The following PBX3 variants were observed in gnomAD, a reference collection of about 807,000 sequenced individuals.
PBX3 encodes the protein PBX homeobox 3, also known as pre-B-cell leukemia transcription factor 3.
Under a neutral mutation model 48.5 loss-of-function variants are expected in PBX3, and 14 were observed. The ratio of observed to expected loss-of-function variants is 0.29; its 90% CI spans 0.19 to 0.45. PBX3 has a LOEUF of 0.45. PBX3 is among the 20% of genes least tolerant of loss of function. The probability of loss-of-function intolerance (pLI) is 1.00; values close to 1 mark genes in which losing one functional copy is unlikely to be tolerated. For synonymous variants in PBX3, 210 were observed against 200.3 expected (o/e 1.05, Z -0.41); for missense variants, 386 against 546.7 (o/e 0.71, Z 2.93).
intron 6 of PBX3, 87 bp downstream of exon 6, chr9:125,960,936 A>G: frequency 1.7e-6 from 1 of 598,798 alleles, no homozygotes; most frequent in Admixed American, 3.8e-5. Context: ...CAAGAGCCAT[A>G]CTGAGGACAG....
At position 125,943,552 on chromosome 9, in the gene PBX3, A is replaced by G. The variant is rs931036193; in HGVS notation, c.843+7945A>G. ...TTCTTCTTTCCAATTGAGTATTCTT[A>G]TCAGTTTTTCTCATGCTAGTCTCAG... On this transcript the variant is annotated intron_variant, in intron 5 of 8. Coordinates refer to ENST00000373489, the MANE Select transcript of PBX3 (RefSeq NM_006195.6). Among the ~76,000 whole-genome samples the G allele has an allele frequency of 5.3e-5, 8 of 151,582 alleles. No homozygotes were observed. In the East Asian group the frequency reaches 1.2e-3, roughly 22 times the overall value.
rs754127037 is a variant in PBX3 at position 125,960,903 on chromosome 9, G to A, written c.1009+54G>A. On this transcript the variant is annotated intron_variant, in intron 6 of 8. Coordinates refer to ENST00000373489, the MANE Select transcript of PBX3 (RefSeq NM_006195.6). ...GGCCCAGGCAGCCTTATGCCACAAT[G>A]CCCTGTCCCACAGGCCAGGAAACAA... 3.9e-4 allele frequency: 616 copies of A among 1,562,344 alleles called. 1 individual carries two copies. Among genetic ancestry groups the A allele is most frequent in the Non-Finnish European group, 5.1e-4 (577 of 1,142,236 alleles).
At chr9:125,823,947 G>A (rs1031307083) in intron 2 of PBX3, among the ~76,000 whole-genome samples, 1 of 151,842 alleles carries the variant, frequency 6.6e-6, no homozygotes, top group Non-Finnish European at 1.5e-5. Context: ...ATGGTGGCCC[G>A]CACCTGTAGT....
chr9:125,818,659 A>T (rs1683409765), intron 2 of PBX3, among the ~76,000 whole-genome samples: 1 of 150,434 alleles, frequency 6.6e-6, no homozygotes, highest in South Asian at 2.1e-4. Context: ...TGATGAGATT[A>T]TTTTTTTAAA....
At chr9:125,748,153 C>A in intron 1 of PBX3, 1 of 795,978 alleles carries the variant, frequency 1.3e-6, no homozygotes, top group Non-Finnish European at 1.5e-6. Flanking sequence ...GCCTTGCAAA[C>A]TTTGCCGAGC....
rs1836607148 is a variant in PBX3 at position 125,759,479 on chromosome 9, C to T, written c.274+10856C>T. On this transcript the variant is annotated intron_variant, in intron 2 of 8. Coordinates refer to ENST00000373489, the MANE Select transcript of PBX3 (RefSeq NM_006195.6). The surrounding 1 kb of genome is among the most constrained non-coding windows in gnomAD (Gnocchi z 4.2). ...GAGGCATTTATCATATCATCCCCTACTCCTCATGCAAGCAAAAAAGGAGAA... is the reference window on the plus strand; with the variant it reads ...GAGGCATTTATCATATCATCCCCTATTCCTCATGCAAGCAAAAAAGGAGAA... 6.6e-6 allele frequency among the ~76,000 whole-genome samples: 1 copy of T among 152,190 alleles called. No individual in the cohort carries two copies. The highest frequency in any genetic ancestry group is 2.1e-4 in the South Asian group (1 of 4,830).
chr9:125,859,105 G>C (rs535060849), intron 2 of PBX3, among the ~76,000 whole-genome samples: 1 of 152,296 alleles, frequency 6.6e-6, no homozygotes, highest in Admixed American at 6.5e-5. Context: ...GAGATTTCTA[G>C]AGTAGGAGAA....
intron 2 of PBX3, among the ~76,000 whole-genome samples, chr9:125,792,651 A>G (rs1837645220): frequency 6.6e-6 from 1 of 151,824 alleles, no homozygotes; most frequent in Admixed American, 6.6e-5. Flanking sequence ...AAAAAATTGG[A>G]TGTGGATAAA....
rs1839893307 is a variant in PBX3, at chr9:125,862,830, G to A, written c.275-52856G>A. On this transcript the variant is annotated intron_variant, in intron 2 of 8. Transcript: ENST00000373489. The stretch of plus-strand genomic sequence containing the variant: ...AGATTTGAATGTGAATTACTTTTAG[G>A]ACTGTATTAAATTTATTTTGTATGT... Among the ~76,000 whole-genome samples the A allele has an allele frequency of 3.3e-5, 5 of 152,220 alleles. 1 individual carries two copies. The South Asian group carries it at 1.0e-3, about 32-fold the overall frequency.
intron 2 of PBX3, among the ~76,000 whole-genome samples, chr9:125,754,327 C>T (rs568860031): frequency 3.9e-5 from 6 of 152,152 alleles, no homozygotes; most frequent in Non-Finnish European, 5.9e-5. Context: ...CCCTCAAGCC[C>T]GTGTTGACCT....
At chr9:125,809,428 ATTT>A (rs58140229) in intron 2 of PBX3, among the ~76,000 whole-genome samples, 2 of 136,910 alleles carry the variant, frequency 1.5e-5, no homozygotes, top group Admixed American at 7.3e-5. Context: ...CTCAATGCTG[ATTT>A]TTTTTTTTTT....
chr9:125,933,889 C>G (rs978419814), intron 4 of PBX3, among the ~76,000 whole-genome samples: 1 of 152,134 alleles, frequency 6.6e-6, no homozygotes, highest in Admixed American at 6.5e-5. Context: ...TACCCATGCA[C>G]CTACTCATCA....
intron 2 of PBX3, among the ~76,000 whole-genome samples, chr9:125,783,771 G>T (rs138168109): frequency 0.037 from 5,612 of 152,006 alleles, 367 homozygotes; most frequent in African/African-American, 0.13. Flanking sequence ...GGCTGAGGCG[G>T]GCAGATCACC....
chr9:125,877,579 T>C (rs558115700), intron 2 of PBX3, among the ~76,000 whole-genome samples: 1 of 152,352 alleles, frequency 6.6e-6, no homozygotes, highest in East Asian at 1.9e-4. Context: ...TTCTATTTTT[T>C]ATACCGCTAT....
At position 125,966,046 on chromosome 9, in the gene PBX3, C is replaced by T. The variant is rs1335897665; in HGVS notation, c.*123C>T. ...CTTTACTGTAAAACCTTGTCTTATT[C>T]GAGAACTTGGTAAATCTGTTTTTTA... On this transcript the variant is annotated 3_prime_UTR_variant, in exon 9 of 9. Coordinates refer to ENST00000373489, the MANE Select transcript of PBX3 (RefSeq NM_006195.6). The T allele has an allele frequency of 3.7e-5, 22 of 590,602 alleles. No homozygotes were observed. The highest frequency in any genetic ancestry group is 1.5e-4 in the Admixed American group (5 of 33,992). The allele number at this position is 590,602 out of a possible 1,614,324, so 36.6% of individuals were successfully genotyped here.
intron 2 of PBX3, among the ~76,000 whole-genome samples, chr9:125,846,284 A>G (rs1839424616): frequency 6.6e-6 from 1 of 152,086 alleles, no homozygotes; most frequent in South Asian, 2.1e-4. Context: ...TTAAAATGAA[A>G]TAACTTCAGA....
chr9:125,958,592 A>G (rs996543889), intron 5 of PBX3, among the ~76,000 whole-genome samples: 1 of 152,210 alleles, frequency 6.6e-6, no homozygotes, highest in African/African-American at 2.4e-5. Flanking sequence ...AGGCGGGGAT[A>G]TTGTGAGGTA....
intron 2 of PBX3, among the ~76,000 whole-genome samples, chr9:125,766,467 T>G (rs1371978985): frequency 6.6e-6 from 1 of 152,148 alleles, no homozygotes; most frequent in African/African-American, 2.4e-5. Flanking sequence ...TTTAAAGTTT[T>G]AACTTTAAAA....
chr9:125,888,291 G>A (rs1840548844), intron 2 of PBX3, among the ~76,000 whole-genome samples: 1 of 152,134 alleles, frequency 6.6e-6, no homozygotes, highest in Non-Finnish European at 1.5e-5. Context: ...GTCGTGTAGT[G>A]TACTGAATTA....
Sources: gnomAD v4.1 joint callset for allele counts (sites outside exome capture counted in the v4.1 genomes callset) on GRCh38, gnomAD v4.1.1 for gene constraint, Gnocchi (gnomAD v3.1) non-coding constraint, MANE v1.5 for transcripts, NCBI Gene and HGNC (gene_info 2026-07-23, HGNC 2026-07-21) for gene names.